Variants in GDAP1 observed in about 807,000 individuals in gnomAD.
GDAP1 encodes ganglioside-induced differentiation-associated protein 1.
GDAP1 carries 34 observed loss-of-function variants against 40.1 expected under a neutral mutation model. The ratio of observed to expected loss-of-function variants is 0.85; its 90% CI spans 0.64 to 1.13. GDAP1 has a LOEUF of 1.13. GDAP1 is among the 50% of genes most tolerant of loss of function. The pLI is 0.00. For missense variants in GDAP1, 374 were observed against 433.7 expected (o/e 0.86, Z 1.22); for synonymous variants, 170 against 157.4 (o/e 1.08, Z -0.60).
intron 2 of GDAP1, among the ~76,000 whole-genome samples, chr8:74,442,965 T>G (rs1392405672): frequency 6.6e-6 from 1 of 152,230 alleles, no homozygotes; most frequent in Admixed American, 6.5e-5. Flanking sequence ...GCACCACCTT[T>G]TAGCTGGACA....
At chr8:74,397,202 T>TG (rs1563457275) in intron 2 of GDAP1, among the ~76,000 whole-genome samples, 2 of 148,932 alleles carry the variant, frequency 1.3e-5, no homozygotes, top group Non-Finnish European at 1.5e-5. Flanking sequence ...TTGATGGGTT[T>TG]TTTTTTTTTT....
intron 2 of GDAP1, among the ~76,000 whole-genome samples, chr8:74,395,754 C>G (rs1810188028): frequency 6.6e-6 from 1 of 152,132 alleles, no homozygotes; most frequent in Non-Finnish European, 1.5e-5. Context: ...ATCTGTATCT[C>G]TAGTCATTTG....
At chr8:74,373,405 C>T (rs1329581924) in intron 2 of GDAP1, among the ~76,000 whole-genome samples, 2 of 152,126 alleles carry the variant, frequency 1.3e-5, no homozygotes, top group Admixed American at 6.5e-5. Context: ...AATGTTCTTC[C>T]ATTTGTTTGT....
intron 2 of GDAP1, among the ~76,000 whole-genome samples, chr8:74,380,514 T>TTC (rs1809934555): frequency 6.7e-6 from 1 of 150,290 alleles, no homozygotes; most frequent in African/African-American, 2.4e-5. Context: ...TTTTTTTTTT[T>TTC]CACCAAAGGG....
At chr8:74,426,364 G>A (rs1162480407) in intron 2 of GDAP1, among the ~76,000 whole-genome samples, 1 of 152,176 alleles carries the variant, frequency 6.6e-6, no homozygotes, top group African/African-American at 2.4e-5. Context: ...AGAAGGTTGA[G>A]TATTTTGGAT....
chr8:74,399,226 A>C lies in GDAP1; in HGVS notation c.165+47905A>C, dbSNP rs554375695. 4.1e-4 allele frequency among the ~76,000 whole-genome samples: 59 copies of C among 142,526 alleles called. 1 individual carries two copies. The highest frequency in any genetic ancestry group is 3.7e-3 in the Admixed American group (55 of 14,962). The allele number at this position is 142,526 out of a possible 152,430, so 93.5% of individuals were successfully genotyped here. A position where few individuals can be genotyped will look rare whatever the true frequency, so the allele number is the denominator to read the frequency against. ...CTATTGATTATTCCCACAATTTCAG[A>C]TCCTGTTATTGGTCTATTCAGAGAT... On this transcript the variant is annotated intron_variant, in intron 2 of 2. Coordinates refer to the GDAP1 transcript ENST00000523640.
At chr8:74,428,884 G>A (rs1270437466) in intron 2 of GDAP1, among the ~76,000 whole-genome samples, 2 of 111,494 alleles carry the variant, frequency 1.8e-5, no homozygotes, top group Admixed American at 2.1e-4. Context: ...CCCACAACAG[G>A]CCCCGGTGTG....
chr8:74,387,632 C>T (rs1303157740), intron 2 of GDAP1, among the ~76,000 whole-genome samples: 2 of 152,080 alleles, frequency 1.3e-5, no homozygotes, highest in Admixed American at 6.6e-5. Flanking sequence ...GGATATTAGC[C>T]CGAAATTTTC....
intron 2 of GDAP1, among the ~76,000 whole-genome samples, chr8:74,437,804 T>C (rs749735611): frequency 3.3e-5 from 5 of 152,210 alleles, no homozygotes; most frequent in Non-Finnish European, 5.9e-5. Flanking sequence ...TACGTGTAAC[T>C]CTTGTTCATT....
In GDAP1 at chr8:74,397,280, C is replaced by T. The variant is rs1310006335; in HGVS notation, c.165+45959C>T. Reference sequence around the variant, plus strand: ...AGCCCTTTGTCAGATGAGTAGGTTGCAAAAATTTTCTCCCATTTTGTAGGT... The same window carrying T: ...AGCCCTTTGTCAGATGAGTAGGTTGTAAAAATTTTCTCCCATTTTGTAGGT... On this transcript the variant is annotated intron_variant, in intron 2 of 2. Coordinates refer to the GDAP1 transcript ENST00000523640. Among the ~76,000 whole-genome samples, 4 of 150,768 alleles carry T rather than the reference C, an allele frequency of 2.7e-5. 1 individual carries two copies. The highest frequency in any genetic ancestry group is 1.9e-4 in the East Asian group (1 of 5,136).
At chr8:74,410,640 G>A (rs1025040313) in intron 2 of GDAP1, among the ~76,000 whole-genome samples, 1 of 149,956 alleles carries the variant, frequency 6.7e-6, no homozygotes, top group African/African-American at 2.5e-5. Context: ...TGGTTCCAAG[G>A]AGTCCACTGA....
At chr8:74,395,094 G>C (rs1229422172) in intron 2 of GDAP1, among the ~76,000 whole-genome samples, 1 of 152,090 alleles carries the variant, frequency 6.6e-6, no homozygotes, top group African/African-American at 2.4e-5. Flanking sequence ...GCTTATTTCA[G>C]TTTCTGATGC....
chr8:74,389,552 G>A (rs1260741123), intron 2 of GDAP1, among the ~76,000 whole-genome samples: 5 of 152,182 alleles, frequency 3.3e-5, no homozygotes, highest in African/African-American at 1.2e-4. Context: ...TCTGCTGTTA[G>A]TCTGATGGAC....
intron 1 of GDAP1, 30 bp downstream of exon 1, chr8:74,350,608 C>G (rs761820205): frequency 3.0e-6 from 4 of 1,317,890 alleles, no homozygotes; most frequent in South Asian, 2.3e-5. Flanking sequence ...CGGAGGGTGG[C>G]GCGGATCGGG....
chr8:74,472,116 A>G (rs1166213695), intron 2 of GDAP1, among the ~76,000 whole-genome samples: 4 of 152,020 alleles, frequency 2.6e-5, no homozygotes, highest in African/African-American at 9.7e-5. Flanking sequence ...GATAGTCCTC[A>G]GTGTCTGTTG....
At chr8:74,426,971 C>T (rs1335479077) in intron 2 of GDAP1, among the ~76,000 whole-genome samples, 1 of 152,160 alleles carries the variant, frequency 6.6e-6, no homozygotes, top group African/African-American at 2.4e-5. Flanking sequence ...TAACCATGGC[C>T]TCTTATAAAT....
intron 2 of GDAP1, among the ~76,000 whole-genome samples, chr8:74,471,106 C>A (rs1806547773): frequency 6.6e-6 from 1 of 151,838 alleles, no homozygotes; most frequent in Non-Finnish European, 1.5e-5. Context: ...TTGTTTTTTT[C>A]TTGTAAATTT....
intron 2 of GDAP1, among the ~76,000 whole-genome samples, chr8:74,488,201 A>G (rs1806799079): frequency 6.6e-6 from 1 of 152,214 alleles, no homozygotes; most frequent in South Asian, 2.1e-4. Context: ...TCATTCCTCT[A>G]CTTTGATCCA....
intron 2 of GDAP1, among the ~76,000 whole-genome samples, chr8:74,427,667 A>G (rs910092871): frequency 6.6e-6 from 1 of 152,194 alleles, no homozygotes; most frequent in African/African-American, 2.4e-5. Flanking sequence ...TTAAATAAAC[A>G]AACACATTTG....
Sources: allele counts gnomAD v4.1 joint callset (sites outside exome capture counted in the v4.1 genomes callset), GRCh38; gene constraint gnomAD v4.1.1; transcripts MANE v1.5; gene names NCBI Gene and HGNC (gene_info 2026-07-23, HGNC 2026-07-21).